Variants in GRID2 observed in about 807,000 individuals in gnomAD.
The protein encoded by GRID2 is glutamate receptor ionotropic, delta-2.
Under a neutral mutation model 114.8 loss-of-function variants are expected in GRID2, and 33 were observed. The ratio of observed to expected loss-of-function variants is 0.29; its 90% CI spans 0.22 to 0.38. The LOEUF is 0.38. Ranked by LOEUF, GRID2 falls within the 10% of genes least tolerant of loss-of-function variation. The pLI is 1.00. For synonymous variants in GRID2, 505 were observed against 449.9 expected (o/e 1.12, Z -1.55); for missense variants, 1,184 against 1,257.7 (o/e 0.94, Z 0.89).
chr4:93,556,131 T>G (rs13107943), intron 13 of GRID2, among the ~76,000 whole-genome samples: 52,879 of 152,012 alleles, frequency 0.35, 9,983 homozygotes, highest in African/African-American at 0.49. Context: ...CCAAAGGTAG[T>G]TAAGTCCACT....
Position 93,626,388 on chromosome 4 carries a change from A to T in GRID2, c.2313A>T (p.Gly771=). 6.2e-7 allele frequency: 1 copy of T among 1,612,006 alleles called. No individual in the cohort carries two copies. Among genetic ancestry groups the T allele is most frequent in the Non-Finnish European group, 8.5e-7 (1 of 1,178,460 alleles). The change falls in exon 14 of 16, where the codon GGA becomes GGT. Residue 771 remains glycine, a synonymous_variant. Coordinates refer to ENST00000282020, the MANE Select transcript of GRID2 (RefSeq NM_001510.4). ...ATACTGTTGCTGATCGGGGATATGGAATTGCATTACAACATGGCAGTCCTT... is the reference window on the plus strand; with the variant it reads ...ATACTGTTGCTGATCGGGGATATGGTATTGCATTACAACATGGCAGTCCTT... ...IGNTVADRGY[G]IALQHGSPYR...
At chr4:93,722,493 G>A (rs752866514) in intron 14 of GRID2, among the ~76,000 whole-genome samples, 1 of 152,064 alleles carries the variant, frequency 6.6e-6, no homozygotes, top group Non-Finnish European at 1.5e-5. Context: ...CACATATCTA[G>A]AATCAAGTTC....
intron 2 of GRID2, among the ~76,000 whole-genome samples, chr4:92,681,405 G>A (rs1034622781): frequency 3.3e-5 from 5 of 152,136 alleles, no homozygotes; most frequent in African/African-American, 1.2e-4. Flanking sequence ...AACATGTGGT[G>A]TTTGGTTTTT....
At chr4:92,711,847 G>T (rs567646842) in intron 2 of GRID2, among the ~76,000 whole-genome samples, 123 of 152,286 alleles carry the variant, frequency 8.1e-4, no homozygotes, top group African/African-American at 2.7e-3. Flanking sequence ...AGGCTGCAGT[G>T]AGCTATGATC....
intron 1 of GRID2, among the ~76,000 whole-genome samples, chr4:92,422,512 AG>A (rs1447259688): frequency 6.6e-6 from 1 of 152,074 alleles, no homozygotes; most frequent in African/African-American, 2.4e-5. Context: ...TTGGTGGGGA[AG>A]GGGAAGCCAG....
rs372443214 is a variant in GRID2, at chr4:93,689,982, C to T, written c.2360+63547C>T. Among the ~76,000 whole-genome samples, 61 of 152,118 alleles carry T rather than the reference C, an allele frequency of 4.0e-4. No individual in the cohort carries two copies. In the South Asian group the frequency reaches 5.8e-3, roughly 14 times the overall value. On this transcript the variant is annotated intron_variant, in intron 14 of 15. Transcript: ENST00000282020. Reference sequence around the variant, plus strand: ...CCTATCACCCAAAGATAACTAATAACATTTGAATTTATTTTATTCTGGAAT... The same window carrying T: ...CCTATCACCCAAAGATAACTAATAATATTTGAATTTATTTTATTCTGGAAT...
intron 2 of GRID2, among the ~76,000 whole-genome samples, chr4:92,776,716 A>C (rs1738818062): frequency 6.6e-6 from 1 of 152,132 alleles, no homozygotes; most frequent in Non-Finnish European, 1.5e-5. Flanking sequence ...CTTCTATAGG[A>C]ATACAATAAA....
At chr4:93,163,329 A>G (rs549166254) in intron 4 of GRID2, among the ~76,000 whole-genome samples, 21 of 130,606 alleles carry the variant, frequency 1.6e-4, no homozygotes, top group Admixed American at 7.0e-4. Context: ...AAATGCCTTT[A>G]TTTTCCACTT....
chr4:92,304,343 G>A lies in GRID2; in HGVS notation c.-314G>A. 2.6e-6 allele frequency: 1 copy of A among 382,160 alleles called. No homozygotes were observed. Among genetic ancestry groups the A allele is most frequent in the South Asian group, 2.4e-5 (1 of 42,138 alleles). The allele number at this position is 382,160 out of a possible 1,614,324, so 23.7% of individuals were successfully genotyped here. ...AGCGATGGGTCTGATCTGAGCCCCA[G>A]CCTCTCCCCCTGCCCAAGAGCAGTA... On this transcript the variant is annotated 5_prime_UTR_variant, in exon 1 of 16. Coordinates refer to ENST00000282020, the MANE Select transcript of GRID2 (RefSeq NM_001510.4).
At chr4:92,986,565 G>A (rs562644456) in intron 2 of GRID2, among the ~76,000 whole-genome samples, 12 of 152,200 alleles carry the variant, frequency 7.9e-5, no homozygotes, top group African/African-American at 1.9e-4. Flanking sequence ...CACCACTGGC[G>A]AATAGTGTAG....
chr4:92,415,194 A>G (rs939671487), intron 1 of GRID2, among the ~76,000 whole-genome samples: 3 of 152,136 alleles, frequency 2.0e-5, no homozygotes, highest in Admixed American at 6.5e-5. Flanking sequence ...TGTTGATAAT[A>G]TTAGCAATAA....
chr4:93,496,662 T>C (rs1383822201), intron 12 of GRID2, among the ~76,000 whole-genome samples: 1 of 151,822 alleles, frequency 6.6e-6, no homozygotes, highest in Non-Finnish European at 1.5e-5. Context: ...TCTTATTGAT[T>C]CAGCATAATA....
Position 92,939,587 on chromosome 4 carries a change from A to G in GRID2, c.245-145408A>G, listed in dbSNP as rs190110444. On this transcript the variant is annotated intron_variant, in intron 2 of 15. Coordinates refer to ENST00000282020, the MANE Select transcript of GRID2 (RefSeq NM_001510.4). ...TAGTTTAATGAGATCCCATTTGTCA[A>G]TTTTGGCTTTTGTTGCCATTGCTTT... 3.4e-5 allele frequency among the ~76,000 whole-genome samples: 5 copies of G among 147,194 alleles called. 1 individual carries two copies. The highest frequency in any genetic ancestry group is 4.5e-4 in the South Asian group (2 of 4,402).
At chr4:93,103,912 ATT>A (rs1388883648) in intron 3 of GRID2, among the ~76,000 whole-genome samples, 7 of 133,260 alleles carry the variant, frequency 5.3e-5, no homozygotes, top group African/African-American at 8.3e-5. Context: ...AAAAATCTTC[ATT>A]TTTTTTTTTT....
intron 2 of GRID2, among the ~76,000 whole-genome samples, chr4:92,788,984 T>G (rs985167519): frequency 2.0e-5 from 3 of 151,910 alleles, no homozygotes; most frequent in African/African-American, 7.2e-5. Context: ...ATTTAAAGCA[T>G]ATTTTAATAA....
At chr4:92,571,178 G>C (rs1054584702) in intron 1 of GRID2, among the ~76,000 whole-genome samples, 1 of 151,988 alleles carries the variant, frequency 6.6e-6, no homozygotes, top group Admixed American at 6.6e-5. Flanking sequence ...TTTTATGGAA[G>C]GTCTTTTCTG....
chr4:93,230,603 C>T (rs1039173325), intron 7 of GRID2, among the ~76,000 whole-genome samples: 4 of 151,858 alleles, frequency 2.6e-5, no homozygotes, highest in Non-Finnish European at 2.9e-5. Flanking sequence ...TGTACAGAAC[C>T]GAAATTCAGA....
intron 2 of GRID2, among the ~76,000 whole-genome samples, chr4:92,985,048 T>C (rs1754423575): frequency 6.6e-6 from 1 of 152,102 alleles, no homozygotes; most frequent in East Asian, 1.9e-4. Flanking sequence ...GAAAAACATA[T>C]GAGGGGGAAG....
intron 1 of GRID2, among the ~76,000 whole-genome samples, chr4:92,407,805 T>G (rs1316604458): frequency 6.6e-6 from 1 of 152,206 alleles, no homozygotes; most frequent in Non-Finnish European, 1.5e-5. Context: ...GTTGATTTGT[T>G]TAAGTTCCTT....
Sources: allele counts gnomAD v4.1 joint callset (sites outside exome capture counted in the v4.1 genomes callset), GRCh38; gene constraint gnomAD v4.1.1; transcripts MANE v1.5; gene names NCBI Gene and HGNC (gene_info 2026-07-23, HGNC 2026-07-21).